BFSP1: variants seen among roughly 807,000 people sequenced by gnomAD.
BFSP1 encodes the protein beaded filament structural protein 1.
Under a neutral mutation model 43.9 loss-of-function variants are expected in BFSP1, and 38 were observed. That is an observed-to-expected ratio of 0.87 (90% CI 0.67 to 1.14). The LOEUF is 1.14. Ranked by LOEUF, BFSP1 falls within the 50% of genes most tolerant of loss-of-function variation. The probability of loss-of-function intolerance (pLI) is 0.00; values close to 1 mark genes in which losing one functional copy is unlikely to be tolerated. For missense variants in BFSP1, 850 were observed against 875.1 expected (o/e 0.97, Z 0.36); for synonymous variants, 352 against 354.8 (o/e 0.99, Z 0.09).
upstream of BFSP1, among the ~76,000 whole-genome samples, chr20:17,533,454 T>TCAGCTGTCTTC (rs376048670): frequency 0.011 from 1,733 of 152,278 alleles, 25 homozygotes; most frequent in African/African-American, 0.038. Context: ...GGCTGGGAGC[T>TCAGCTGTCTTC]CAGCTGTCTT....
At chr20:17,557,062 GCAT>G (rs1253863044) in intron 1 of BFSP1, among the ~76,000 whole-genome samples, 1 of 152,182 alleles carries the variant, frequency 6.6e-6, no homozygotes, top group Non-Finnish European at 1.5e-5. Flanking sequence ...CTGGCTGCCA[GCAT>G]CACCTTGGCT....
In BFSP1 at chr20:17,531,224, C is replaced by A. The variant is rs561046384; in HGVS notation, c.106G>T (p.Ala36Ser). ...EPERPADEGW[A>S]GATSLAALQG... is the part of the protein sequence containing the mutation. ...AGCGCCGCCAGGCTCGTTGCCCCAG[C>A]CCAGCCCTCGTCGGCCGGGCGCTCG... Residue 36 changes from alanine to serine, a missense_variant, in exon 1 of 8, where the codon GCT (alanine) becomes TCT (serine). Physicochemically the swap from Ala to Ser is moderately conservative, Grantham distance 99. Transcript: ENST00000377873. 4,718 of 1,382,782 alleles carry A rather than the reference C, an allele frequency of 3.4e-3. 11 individuals carry two copies. Among genetic ancestry groups the A allele is most frequent in the Middle Eastern group, 4.3e-3 (17 of 3,998 alleles). The allele number at this position is 1,382,782 out of a possible 1,614,324, so 85.7% of individuals were successfully genotyped here.
chr20:17,561,234 C>A (rs1337911981), upstream of BFSP1, among the ~76,000 whole-genome samples: 1 of 152,196 alleles, frequency 6.6e-6, no homozygotes, highest in Non-Finnish European at 1.5e-5. Flanking sequence ...CATGGTGGCT[C>A]ATGCCTGTAA....
intron 2 of BFSP1, among the ~76,000 whole-genome samples, chr20:17,522,139 G>A (rs182105046): frequency 8.5e-5 from 13 of 152,278 alleles, no homozygotes; most frequent in Non-Finnish European, 1.3e-4. Flanking sequence ...GAACTCTCTG[G>A]CTTCGTGTCT....
At chr20:17,549,693 T>C (rs2034864738) in intron 1 of BFSP1, among the ~76,000 whole-genome samples, 1 of 151,870 alleles carries the variant, frequency 6.6e-6, no homozygotes, top group Admixed American at 6.6e-5. Context: ...AAAACTAGCC[T>C]GGCGTGGTGG....
intron 5 of BFSP1, among the ~76,000 whole-genome samples, chr20:17,504,727 C>T (rs2033888206): frequency 6.6e-6 from 1 of 152,152 alleles, no homozygotes; most frequent in Non-Finnish European, 1.5e-5. Flanking sequence ...GAACTTTATC[C>T]GGAGCCAGGT....
At chr20:17,539,683 C>T (rs2034685660) in intron 1 of BFSP1, among the ~76,000 whole-genome samples, 1 of 151,976 alleles carries the variant, frequency 6.6e-6, no homozygotes, top group Non-Finnish European at 1.5e-5. Flanking sequence ...GGAGGATAGA[C>T]TGAGCCTGGC....
chr20:17,507,522 C>T lies in BFSP1; in HGVS notation c.735+1367G>A, dbSNP rs74352474. ...TGGAAAACACTGGTCTCTAGGACCA[C>T]GACTGGGCTTGTATCCACGTCCCTA... On this transcript the variant is annotated intron_variant, in intron 5 of 7. Coordinates refer to ENST00000377873, the MANE Select transcript of BFSP1 (RefSeq NM_001195.5). The surrounding 1 kb of genome is among the most constrained non-coding windows in gnomAD (Gnocchi z 4.4). Among the ~76,000 whole-genome samples, 18,990 of 152,000 alleles carry T rather than the reference C, an allele frequency of 0.12. 1,366 individuals are homozygous for T. Among genetic ancestry groups the T allele is most frequent in the East Asian group, 0.34 (1,765 of 5,174 alleles).
chr20:17,518,092 C>A (rs1018337857), intron 2 of BFSP1, among the ~76,000 whole-genome samples: 1 of 152,208 alleles, frequency 6.6e-6, no homozygotes, highest in Non-Finnish European at 1.5e-5. Flanking sequence ...CCACCAGCAC[C>A]ACTGCCCACT....
intron 1 of BFSP1, among the ~76,000 whole-genome samples, chr20:17,539,047 A>C (rs2034673632): frequency 6.7e-6 from 1 of 149,730 alleles, no homozygotes. Context: ...GCTTTGTATC[A>C]GTTAGGAGAT....
At chr20:17,539,113 T>C (rs1262203539) in intron 1 of BFSP1, among the ~76,000 whole-genome samples, 10 of 138,456 alleles carry the variant, frequency 7.2e-5, no homozygotes, top group African/African-American at 2.5e-4. Context: ...TTCTTTTTTT[T>C]TTTTTTTTTT....
At chr20:17,506,237 C>A (rs1229872195) in intron 5 of BFSP1, among the ~76,000 whole-genome samples, 1 of 152,176 alleles carries the variant, frequency 6.6e-6, no homozygotes, top group African/African-American at 2.4e-5. Context: ...GAAGCAAATT[C>A]TCCCCTAACA....
At chr20:17,566,207 A>G (rs533720714) in intron 1 of BFSP1, among the ~76,000 whole-genome samples, 64 of 151,588 alleles carry the variant, frequency 4.2e-4, no homozygotes, top group African/African-American at 1.5e-3. Context: ...AGGAGTTAAA[A>G]GTTTTTTTCT....
At chr20:17,550,050 G>A (rs2034870836) in intron 1 of BFSP1, among the ~76,000 whole-genome samples, 1 of 152,048 alleles carries the variant, frequency 6.6e-6, no homozygotes, top group South Asian at 2.1e-4. Context: ...ACCTTTCCAG[G>A]CCATGAGGTA....
At chr20:17,512,701 T>C (rs886635127) in intron 3 of BFSP1, among the ~76,000 whole-genome samples, 3 of 152,036 alleles carry the variant, frequency 2.0e-5, no homozygotes, top group East Asian at 1.9e-4. Context: ...GCCTGAGTGA[T>C]AGAATGAGAC....
chr20:17,552,330 G>C (rs1486712427), intron 1 of BFSP1, among the ~76,000 whole-genome samples: 1 of 152,166 alleles, frequency 6.6e-6, no homozygotes, highest in Non-Finnish European at 1.5e-5. Flanking sequence ...GTTCAAGGAA[G>C]GGTGCAGAGG....
At chr20:17,506,514 ATAAT>A (rs975352251) in intron 5 of BFSP1, among the ~76,000 whole-genome samples, 1 of 151,354 alleles carries the variant, frequency 6.6e-6, no homozygotes, top group African/African-American at 2.4e-5. Flanking sequence ...CTGTTTTAAT[ATAAT>A]TAGTTTCTTT....
chr20:17,543,680 A>C (rs892138855), intron 1 of BFSP1, among the ~76,000 whole-genome samples: 1 of 152,390 alleles, frequency 6.6e-6, no homozygotes, highest in East Asian at 1.9e-4. Context: ...CTCATCTATC[A>C]GAAAAATCCA....
intron 1 of BFSP1, among the ~76,000 whole-genome samples, chr20:17,540,476 C>T (rs1264397442): frequency 1.3e-5 from 2 of 152,236 alleles, no homozygotes; most frequent in Non-Finnish European, 2.9e-5. Flanking sequence ...CACACCCACG[C>T]CCCCATACCC....
Sources: allele counts gnomAD v4.1 joint callset (sites outside exome capture counted in the v4.1 genomes callset), GRCh38; gene constraint gnomAD v4.1.1; non-coding constraint Gnocchi (gnomAD v3.1); transcripts MANE v1.5; gene names NCBI Gene and HGNC (gene_info 2026-07-23, HGNC 2026-07-21).